The following GAB2 variants were observed in gnomAD, a reference collection of about 807,000 sequenced individuals.
GAB2 encodes the protein GRB2-associated-binding protein 2.
In GAB2, 26 loss-of-function variants were observed where a neutral mutation model predicts 65.5. That is an observed-to-expected ratio of 0.40 (90% CI 0.29 to 0.55). The LOEUF is 0.55. Ranked by LOEUF, GAB2 falls within the 20% of genes least tolerant of loss-of-function variation. The probability of loss-of-function intolerance (pLI) is 0.53; values close to 1 mark genes in which losing one functional copy is unlikely to be tolerated. For synonymous variants in GAB2, 321 were observed against 329.6 expected (o/e 0.97, Z 0.28); for missense variants, 884 against 875.8 (o/e 1.01, Z -0.12).
intron 1 of GAB2, among the ~76,000 whole-genome samples, chr11:78,339,342 T>G (rs1386218151): frequency 6.6e-6 from 1 of 152,196 alleles, no homozygotes; most frequent in Non-Finnish European, 1.5e-5. Context: ...TCTCTTTTCT[T>G]TTTTTGCACC....
intron 3 of GAB2, among the ~76,000 whole-genome samples, chr11:78,238,621 T>TA (rs894597053): frequency 4.9e-5 from 7 of 141,656 alleles, no homozygotes; most frequent in Admixed American, 7.0e-5. Context: ...TTAAAACAGA[T>TA]AAAAAAACTA....
chr11:78,251,049 T>G (rs1865440925), intron 2 of GAB2, among the ~76,000 whole-genome samples: 1 of 151,704 alleles, frequency 6.6e-6, no homozygotes, highest in East Asian at 1.9e-4. Flanking sequence ...ACCTCAGCAT[T>G]AGACAATATA....
intron 3 of GAB2, among the ~76,000 whole-genome samples, chr11:78,237,342 A>G (rs1865009298): frequency 6.6e-6 from 1 of 152,274 alleles, no homozygotes; most frequent in South Asian, 2.1e-4. Context: ...GATACACTGT[A>G]CTACTGAGGA....
Position 78,298,839 on chromosome 11 carries a change from G to C in GAB2, c.76-17938C>G, listed in dbSNP as rs187548242. 3.0e-4 allele frequency among the ~76,000 whole-genome samples: 46 copies of C among 152,286 alleles called. No individual in the cohort carries two copies. In the East Asian group the frequency reaches 8.5e-3, roughly 28 times the overall value. On this transcript the variant is annotated intron_variant, in intron 1 of 9. Transcript: ENST00000361507. ...TTGTTTCCTTTCTTCTGGGACAAAGGCTTCTCTCTCAGTCCCGCAGGCCCT... is the reference window on the plus strand; with the variant it reads ...TTGTTTCCTTTCTTCTGGGACAAAGCCTTCTCTCTCAGTCCCGCAGGCCCT...
At chr11:78,336,868 A>C (rs1856011957) in intron 1 of GAB2, among the ~76,000 whole-genome samples, 1 of 152,252 alleles carries the variant, frequency 6.6e-6, no homozygotes, top group Non-Finnish European at 1.5e-5. Flanking sequence ...TAAACCAAAG[A>C]ATTGAATTAA....
intron 2 of GAB2, among the ~76,000 whole-genome samples, chr11:78,265,576 A>G (rs1054864607): frequency 1.3e-5 from 2 of 152,226 alleles, no homozygotes; most frequent in Admixed American, 1.3e-4. Context: ...AGGAGGTAGC[A>G]AATAAAAGCA....
intron 1 of GAB2, among the ~76,000 whole-genome samples, chr11:78,289,351 A>C (rs1293646463): frequency 6.6e-6 from 1 of 152,218 alleles, no homozygotes; most frequent in Non-Finnish European, 1.5e-5. Flanking sequence ...TCTTATACAA[A>C]AACTAACTCA....
chr11:78,314,581 G>T (rs1270838175), intron 1 of GAB2, among the ~76,000 whole-genome samples: 1 of 152,176 alleles, frequency 6.6e-6, no homozygotes, highest in Non-Finnish European at 1.5e-5. Context: ...AGTCTTCCCT[G>T]TCATTCACTG....
intron 1 of GAB2, among the ~76,000 whole-genome samples, chr11:78,362,733 C>T (rs1402908788): frequency 6.6e-6 from 1 of 152,054 alleles, no homozygotes; most frequent in South Asian, 2.1e-4. Flanking sequence ...TAAAGATACA[C>T]CTAAAATACA....
At chr11:78,378,913 T>C (rs1328241749) in intron 1 of GAB2, among the ~76,000 whole-genome samples, 1 of 152,190 alleles carries the variant, frequency 6.6e-6, no homozygotes, top group East Asian at 1.9e-4. Context: ...AAAATAATCA[T>C]GGTGGCTGAG....
At chr11:78,342,967 T>A (rs1215640325) in intron 1 of GAB2, among the ~76,000 whole-genome samples, 2 of 152,148 alleles carry the variant, frequency 1.3e-5, no homozygotes, top group African/African-American at 4.8e-5. Context: ...GTTTAGTGAT[T>A]CAGAAAAGAG....
chr11:78,345,900 A>G (rs1467379714), intron 1 of GAB2, among the ~76,000 whole-genome samples: 1 of 152,208 alleles, frequency 6.6e-6, no homozygotes, highest in Non-Finnish European at 1.5e-5. Flanking sequence ...TTCCCAAGAC[A>G]GAGGTATAAC....
At chr11:78,256,807 A>G (rs1865607388) in intron 2 of GAB2, among the ~76,000 whole-genome samples, 1 of 152,214 alleles carries the variant, frequency 6.6e-6, no homozygotes, top group African/African-American at 2.4e-5. Context: ...GAAGAAAAGA[A>G]TGGTGAAAAT....
chr11:78,327,703 A>G (rs910559564), intron 1 of GAB2, among the ~76,000 whole-genome samples: 13 of 152,158 alleles, frequency 8.5e-5, no homozygotes, highest in African/African-American at 4.8e-5. Flanking sequence ...AACAATGGTG[A>G]GCCCCCCAAA....
intron 1 of GAB2, among the ~76,000 whole-genome samples, chr11:78,399,289 C>T (rs1856940541): frequency 6.6e-6 from 1 of 152,116 alleles, no homozygotes; most frequent in African/African-American, 2.4e-5. Flanking sequence ...GTGAGAATGG[C>T]GAATTAGAGA....
At chr11:78,353,167 G>A (rs575167175) in intron 1 of GAB2, among the ~76,000 whole-genome samples, 1 of 152,254 alleles carries the variant, frequency 6.6e-6, no homozygotes, top group Non-Finnish European at 1.5e-5. Flanking sequence ...GGAGCCAGGA[G>A]TGGTGGCATG....
At chr11:78,324,903 G>C (rs1405127794) in intron 1 of GAB2, 1 of 152,182 alleles carries the variant, frequency 6.6e-6, no homozygotes, top group Non-Finnish European at 1.5e-5. Context: ...TGATGGGCCA[G>C]AGACAGCTTC....
At chr11:78,300,961 C>A (rs1438240330) in intron 1 of GAB2, among the ~76,000 whole-genome samples, 1 of 152,146 alleles carries the variant, frequency 6.6e-6, no homozygotes, top group Non-Finnish European at 1.5e-5. Context: ...TCCCAAAGTG[C>A]TGGGATTACA....
At chr11:78,398,128 C>A (rs145472892) in intron 1 of GAB2, among the ~76,000 whole-genome samples, 12 of 152,082 alleles carry the variant, frequency 7.9e-5, no homozygotes, top group African/African-American at 2.9e-4. Flanking sequence ...TGATACTATA[C>A]GTAAAACTTA....
Sources: allele counts gnomAD v4.1 joint callset (sites outside exome capture counted in the v4.1 genomes callset), GRCh38; gene constraint gnomAD v4.1.1; transcripts MANE v1.5; gene names NCBI Gene and HGNC (gene_info 2026-07-23, HGNC 2026-07-21).